SLC5A9: variants seen among roughly 807,000 people sequenced by gnomAD.
SLC5A9 encodes solute carrier family 5 member 9.
A neutral mutation model predicts 70.9 loss-of-function variants in SLC5A9; 59 were observed. That is an observed-to-expected ratio of 0.83 (90% CI 0.68 to 1.03). SLC5A9 has a LOEUF of 1.03. SLC5A9 is among the 50% of genes least tolerant of loss of function. The pLI is 0.00. For missense variants in SLC5A9, 832 were observed against 881.1 expected (o/e 0.94, Z 0.71); for synonymous variants, 340 against 346.5 (o/e 0.98, Z 0.21).
In SLC5A9 at chr1:48,231,954, G is replaced by A. The variant is rs761997128; in HGVS notation, c.700G>A (p.Asp234Asn). ...TCACTGTCTCCTCACAGGCTTTCAG[G>A]ACGTGGGCTGGTACCCAGGCCTGGA... The part of the protein sequence containing the change: ...ALVLMFLGFQ[D>N]VGWYPGLEQR... Residue 234 changes from aspartate to asparagine, a missense_variant, in exon 7 of 14, where the codon GAC becomes AAC. Asp to Asn is a conservative substitution (Grantham distance 23). Coordinates refer to ENST00000438567, the MANE Select transcript of SLC5A9 (RefSeq NM_001011547.3). 6.2e-7 allele frequency: 1 copy of A among 1,614,138 alleles called. No individual in the cohort carries two copies. Among genetic ancestry groups the A allele is most frequent in the Non-Finnish European group, 8.5e-7 (1 of 1,180,032 alleles).
chr1:48,225,783 C>A (rs1039034101), intron 2 of SLC5A9, among the ~76,000 whole-genome samples: 1 of 151,926 alleles, frequency 6.6e-6, no homozygotes, highest in Non-Finnish European at 1.5e-5. Flanking sequence ...CACGCACTCA[C>A]ACTCTCACTC....
At chr1:48,242,930 G>C (rs1644409216) in intron 13 of SLC5A9, among the ~76,000 whole-genome samples, 1 of 152,034 alleles carries the variant, frequency 6.6e-6, no homozygotes, top group South Asian at 2.1e-4. Flanking sequence ...GATCTGATCG[G>C]GGCACAGAAT....
intron 13 of SLC5A9, among the ~76,000 whole-genome samples, chr1:48,245,047 T>C (rs1347169926): frequency 6.8e-6 from 1 of 146,470 alleles, no homozygotes; most frequent in Non-Finnish European, 1.5e-5. Flanking sequence ...TATGTGACCT[T>C]AAATAAGTCT....
rs764656 is a variant in SLC5A9 at position 48,228,587 on chromosome 1, T to A, written c.235-263T>A. On this transcript the variant is annotated intron_variant, in intron 2 of 13. Coordinates refer to ENST00000438567, the MANE Select transcript of SLC5A9 (RefSeq NM_001011547.3). ...TTCCAGGCTTCCTTCCCACTTTCCC[T>A]TTTTTCCCACTTCACCATTTACTCA... 6.5e-6 allele frequency: 3 copies of A among 459,584 alleles called. No homozygotes were observed. The South Asian group carries it at 7.8e-5, about 12-fold the overall frequency. 28.5% of individuals were successfully genotyped at this position (459,584 alleles called of 1,614,324 possible). A position where few individuals can be genotyped will look rare whatever the true frequency, so the allele number is the denominator to read the frequency against.
rs766324242 is a variant in SLC5A9 at position 48,230,685 on chromosome 1, C to T, written c.590C>T (p.Thr197Ile). Residue 197 changes from threonine (T) to isoleucine (I), a missense_variant, in exon 5 of 14, where the codon ACT (threonine) becomes ATT (isoleucine). Thr to Ile is a moderately conservative substitution (Grantham distance 89). Transcript: ENST00000438567. ...TCCACAGGGATCCTGCTGGTGGTGA[C>T]TGCCGTCTACACCATTGCAGGTAGG... ...YLSTGILLVV[T>I]AVYTIAGGLM... The T allele has an allele frequency of 6.2e-7, 1 of 1,613,874 alleles. No individual in the cohort carries two copies. Among genetic ancestry groups the T allele is most frequent in the Non-Finnish European group, 8.5e-7 (1 of 1,179,854 alleles).
rs752786442 is a variant in SLC5A9, at chr1:48,222,909, C to T, written c.162+11C>T. The T allele has an allele frequency of 4.0e-5, 64 of 1,613,442 alleles. 1 individual carries two copies. The South Asian group carries it at 6.8e-4, about 17-fold the overall frequency. On this transcript the variant is annotated intron_variant, in intron 1 of 13. Coordinates refer to ENST00000438567, the MANE Select transcript of SLC5A9 (RefSeq NM_001011547.3). ...GCTGTGGGGATCTGGGTAAGTGGGCCCTGAGGCTGGGGCTAGCAGGGGAGG... is the reference window on the plus strand; with the variant it reads ...GCTGTGGGGATCTGGGTAAGTGGGCTCTGAGGCTGGGGCTAGCAGGGGAGG...
At chr1:48,228,561 C>CT in intron 2 of SLC5A9, 1 of 393,576 alleles carries the variant, frequency 2.5e-6, no homozygotes, top group Non-Finnish European at 4.7e-6. Context: ...ACACTCCCCA[C>CT]TTCCAGGCTT....
rs751794413 is a variant in SLC5A9, at chr1:48,224,167, T to C, written c.163-557T>C. On this transcript the variant is annotated intron_variant, in intron 1 of 13. Coordinates refer to ENST00000438567, the MANE Select transcript of SLC5A9 (RefSeq NM_001011547.3). ...GCTGCTAACTGACCACCTACTGGTGTAAGACAGGGAGGTCCTGGATGGGGC... is the reference window on the plus strand; with the variant it reads ...GCTGCTAACTGACCACCTACTGGTGCAAGACAGGGAGGTCCTGGATGGGGC... Among the ~76,000 whole-genome samples the C allele has an allele frequency of 9.7e-4, 148 of 152,252 alleles. 2 individuals are homozygous for C. Among genetic ancestry groups the C allele is most frequent in the Non-Finnish European group, 2.2e-4 (15 of 68,018 alleles).
chr1:48,233,398 A>G (rs1644284402), intron 8 of SLC5A9, among the ~76,000 whole-genome samples: 1 of 151,512 alleles, frequency 6.6e-6, no homozygotes, highest in South Asian at 2.1e-4. Context: ...ATAGAAAAGA[A>G]CACATAATAA....
At chr1:48,238,180 G>A (rs776751798) in intron 11 of SLC5A9, among the ~76,000 whole-genome samples, 1 of 152,178 alleles carries the variant, frequency 6.6e-6, no homozygotes, top group East Asian at 1.9e-4. Flanking sequence ...CTCCTGGGAG[G>A]AGTCAGGTAA....
At position 48,231,561 on chromosome 1, in the gene SLC5A9, G is replaced by A. The variant is rs144771107; in HGVS notation, c.627G>A (p.Val209=). 99 of 1,614,010 alleles carry A rather than the reference G, an allele frequency of 6.1e-5. No individual in the cohort carries two copies. Among genetic ancestry groups the A allele is most frequent in the Non-Finnish European group, 7.9e-5 (93 of 1,180,004 alleles). ...GGTCCCCAGGTGGCCTCATGGCCGT[G>A]ATCTACACAGATGCTCTGCAGACGG... ...VYTIAGGLMA[V]IYTDALQTVI... The change falls in exon 6 of 14, where the codon GTG becomes GTA. Residue 209 remains valine, a synonymous_variant. Transcript: ENST00000438567.
At position 48,229,291 on chromosome 1, in the gene SLC5A9, C is replaced by A. The variant is rs184154673; in HGVS notation, c.340-4C>A. The A allele has an allele frequency of 1.2e-6, 2 of 1,614,160 alleles. No individual in the cohort carries two copies. The highest frequency in any genetic ancestry group is 1.7e-6 in the Non-Finnish European group (2 of 1,180,016). ...ATACCTTCTTCTTCTCCCCACTCTC[C>A]CAGGCAACCTGGCTGCTCCTGGCCC... On this transcript the variant is annotated splice_region_variant and splice_polypyrimidine_tract_variant and intron_variant, in intron 3 of 13. Coordinates refer to ENST00000438567, the MANE Select transcript of SLC5A9 (RefSeq NM_001011547.3).
chr1:48,243,362 A>G (rs1644414589), intron 13 of SLC5A9, among the ~76,000 whole-genome samples: 2 of 152,112 alleles, frequency 1.3e-5, no homozygotes, highest in South Asian at 4.1e-4. Context: ...GATGGGCCAT[A>G]TGACATATGG....
At chr1:48,226,656 G>A (rs1644151033) in intron 2 of SLC5A9, among the ~76,000 whole-genome samples, 1 of 152,236 alleles carries the variant, frequency 6.6e-6, no homozygotes, top group Admixed American at 6.5e-5. Flanking sequence ...TGGGGCTTGG[G>A]AGGCTGAGAG....
chr1:48,224,907 C>T, intron 2 of SLC5A9, 112 bp downstream of exon 2: 2 of 1,072,044 alleles, frequency 1.9e-6, no homozygotes, highest in South Asian at 2.7e-5. Context: ...CAAAGACCTC[C>T]CCGTTGTGTT....
chr1:48,242,514 GC>G lies in SLC5A9; in HGVS notation c.1738del (p.His580ThrfsTer58), dbSNP rs758642606. 1 of 1,613,508 alleles carries G rather than the reference GC, an allele frequency of 6.2e-7. No homozygotes were observed. The highest frequency in any genetic ancestry group is 2.2e-5 in the East Asian group (1 of 44,856). On this transcript the variant is annotated frameshift_variant, in exon 13 of 14. Coordinates refer to ENST00000438567, the MANE Select transcript of SLC5A9 (RefSeq NM_001011547.3). LOFTEE classifies it high-confidence loss of function. ...NCPLSELEKE[A>X]HESTPEISER... Reference sequence around the variant, plus strand: ...CCCCCTCTCTGAGCTGGAGAAGGAGGCCCACGAGAGCACACCGGAGATATCC... The same window carrying G: ...CCCCCTCTCTGAGCTGGAGAAGGAGGCCACGAGAGCACACCGGAGATATCC...
chr1:48,237,900 T>A, intron 11 of SLC5A9, 53 bp downstream of exon 11: 1 of 1,581,716 alleles, frequency 6.3e-7, no homozygotes, highest in African/African-American at 1.3e-5. Context: ...GGAGACCTGG[T>A]CTGTCAATCA....
intron 8 of SLC5A9, 119 bp downstream of exon 8, chr1:48,232,621 A>G: frequency 1.5e-6 from 2 of 1,338,586 alleles, no homozygotes; most frequent in Non-Finnish European, 2.1e-6. Flanking sequence ...AGGTTTGTCT[A>G]TTAAGAATAC....
chr1:48,236,911 TGA>T (rs1644334578), intron 10 of SLC5A9, among the ~76,000 whole-genome samples: 1 of 152,184 alleles, frequency 6.6e-6, no homozygotes, highest in African/African-American at 2.4e-5. Flanking sequence ...TAGTGGAGTC[TGA>T]GAGAGGCAAA....
Sources: allele counts gnomAD v4.1 joint callset (sites outside exome capture counted in the v4.1 genomes callset), GRCh38; gene constraint gnomAD v4.1.1; transcripts MANE v1.5; gene names NCBI Gene and HGNC (gene_info 2026-07-23, HGNC 2026-07-21).